The following ADGRG7 variants were observed in gnomAD, a reference collection of about 807,000 sequenced individuals.
The protein encoded by ADGRG7 is adhesion G protein-coupled receptor G7, also known as G-protein coupled receptor 128.
A neutral mutation model predicts 88.6 loss-of-function variants in ADGRG7; 82 were observed. The ratio of observed to expected loss-of-function variants is 0.93; its 90% confidence interval spans 0.77 to 1.11. The LOEUF is 1.11. Among genes scored for constraint, ADGRG7 ranks in the 50% most tolerant of loss-of-function variants. The pLI is 0.00. For synonymous variants in ADGRG7, 381 were observed against 345.2 expected (o/e 1.10, Z -1.15); for missense variants, 945 against 953.4 (o/e 0.99, Z 0.12).
At chr3:100,623,725 G>A (rs570425561) in intron 1 of ADGRG7, among the ~76,000 whole-genome samples, 29 of 151,818 alleles carry the variant, frequency 1.9e-4, no homozygotes, top group African/African-American at 5.3e-4. Flanking sequence ...AACAGGCCCC[G>A]GTGTGTGTTG....
intron 15 of ADGRG7, among the ~76,000 whole-genome samples, 194 bp downstream of exon 15, chr3:100,669,299 A>G (rs1180408749): frequency 2.0e-5 from 3 of 151,992 alleles, no homozygotes; most frequent in Non-Finnish European, 4.4e-5. Context: ...ATCCTGGATA[A>G]CATGGGGAAA....
intron 15 of ADGRG7, among the ~76,000 whole-genome samples, chr3:100,686,815 C>T (rs2094983532): frequency 1.3e-5 from 2 of 152,152 alleles, no homozygotes; most frequent in Admixed American, 1.3e-4. Context: ...AGCATGATGC[C>T]TCCAGCTTTG....
intron 15 of ADGRG7, among the ~76,000 whole-genome samples, chr3:100,691,136 C>T (rs189096993): frequency 3.9e-4 from 60 of 152,362 alleles, no homozygotes; most frequent in African/African-American, 1.3e-3. Flanking sequence ...AATGAGCAAG[C>T]CTCCATGGGC....
At chr3:100,629,791 A>G in intron 2 of ADGRG7, 80 bp downstream of exon 2, 1 of 898,636 alleles carries the variant, frequency 1.1e-6, no homozygotes, top group South Asian at 1.5e-5. Flanking sequence ...AGCTTCTAGA[A>G]GCTTCAGTTA....
intron 3 of ADGRG7, 67 bp downstream of exon 3, chr3:100,630,876 C>T: frequency 2.5e-6 from 2 of 812,686 alleles, no homozygotes; most frequent in Non-Finnish European, 3.7e-6. Flanking sequence ...CCTCTCATAC[C>T]TCCTACTAGT....
intron 8 of ADGRG7, among the ~76,000 whole-genome samples, chr3:100,644,933 G>A (rs745537595): frequency 2.6e-5 from 4 of 152,294 alleles, no homozygotes; most frequent in Non-Finnish European, 5.9e-5. Context: ...TGATGTCAAT[G>A]TACTGTGAAC....
Position 100,695,274 on chromosome 3 carries a change from A to G in ADGRG7, c.*273A>G, listed in dbSNP as rs9859753. The G allele has an allele frequency of 1.7e-3, 568 of 334,828 alleles. 2 individuals are homozygous for G. The highest frequency in any genetic ancestry group is 0.011 in the African/African-American group (522 of 46,922). The allele number at this position is 334,828 out of a possible 1,614,324, so 20.7% of individuals were successfully genotyped here. A position where few individuals can be genotyped will look rare whatever the true frequency, so the allele number is the denominator to read the frequency against. On this transcript the variant is annotated 3_prime_UTR_variant, in exon 16 of 16. Coordinates refer to ENST00000273352, the MANE Select transcript of ADGRG7 (RefSeq NM_032787.3). ...TTATATCGTTAAATCTTTGTGACAC[A>G]CTTTGACAAAAATGTAGAACCTATA...
intron 1 of ADGRG7, among the ~76,000 whole-genome samples, chr3:100,628,733 A>C (rs1278573270): frequency 6.6e-6 from 1 of 152,134 alleles, no homozygotes; most frequent in African/African-American, 2.4e-5. Context: ...CCCCAACTCA[A>C]AATAACTAGT....
At chr3:100,630,593 C>G (rs1707446689) in intron 2 of ADGRG7, 112 bp from the exon 3 acceptor site, 1 of 421,270 alleles carries the variant, frequency 2.4e-6, no homozygotes, top group Admixed American at 4.5e-5. Context: ...GTTCTATAAG[C>G]CTTCTATTGC....
At chr3:100,688,547 A>G (rs562604645) in intron 15 of ADGRG7, among the ~76,000 whole-genome samples, 2 of 152,190 alleles carry the variant, frequency 1.3e-5, no homozygotes, top group East Asian at 3.9e-4. Flanking sequence ...CACTGCTTTG[A>G]ATGTGTCCCA....
chr3:100,663,928 AC>A (rs1242753341), intron 14 of ADGRG7, among the ~76,000 whole-genome samples: 1 of 152,006 alleles, frequency 6.6e-6, no homozygotes, highest in East Asian at 1.9e-4. Context: ...ATATCTTCTG[AC>A]CATTAGGATA....
chr3:100,664,289 G>C (rs891232726), intron 14 of ADGRG7, among the ~76,000 whole-genome samples: 1 of 152,090 alleles, frequency 6.6e-6, no homozygotes, highest in Admixed American at 6.5e-5. Flanking sequence ...AGGACATTAA[G>C]CGGTGCTTTA....
At chr3:100,622,109 A>G (rs1707319410) in intron 1 of ADGRG7, among the ~76,000 whole-genome samples, 1 of 152,036 alleles carries the variant, frequency 6.6e-6, no homozygotes, top group South Asian at 2.1e-4. Context: ...CCCATGGCTC[A>G]CCTCCTGCTG....
chr3:100,692,734 G>A (rs1300303409), intron 15 of ADGRG7, among the ~76,000 whole-genome samples: 6 of 152,154 alleles, frequency 3.9e-5, no homozygotes, highest in Admixed American at 3.3e-4. Flanking sequence ...GGGGCAATAT[G>A]TGTGTTAAAA....
At chr3:100,690,194 G>A (rs1045133168) in intron 15 of ADGRG7, among the ~76,000 whole-genome samples, 9 of 152,140 alleles carry the variant, frequency 5.9e-5, no homozygotes, top group African/African-American at 1.7e-4. Flanking sequence ...CATTCATCAC[G>A]TAGTTCTCGT....
intron 5 of ADGRG7, among the ~76,000 whole-genome samples, chr3:100,636,163 A>G (rs1442935338): frequency 1.1e-4 from 16 of 152,170 alleles, no homozygotes; most frequent in Admixed American, 7.2e-4. Context: ...CAGGGGTTCA[A>G]GTGATTCTCA....
chr3:100,624,459 C>CA (rs1159493995), intron 1 of ADGRG7, among the ~76,000 whole-genome samples: 1 of 152,082 alleles, frequency 6.6e-6, no homozygotes, highest in Non-Finnish European at 1.5e-5. Context: ...GAAGAGATTG[C>CA]AAAAAATTTC....
intron 1 of ADGRG7, among the ~76,000 whole-genome samples, chr3:100,622,252 C>G (rs1440616115): frequency 8.1e-6 from 1 of 122,884 alleles, no homozygotes; most frequent in Admixed American, 1.0e-4. Context: ...ATGTAAGTCT[C>G]TCTCTATATT....
intron 1 of ADGRG7, among the ~76,000 whole-genome samples, chr3:100,621,569 G>T (rs1487622313): frequency 6.6e-6 from 1 of 152,192 alleles, no homozygotes; most frequent in Non-Finnish European, 1.5e-5. Context: ...GAGGCTGAGA[G>T]AGTTGAGAAA....
Sources: allele counts gnomAD v4.1 joint callset (sites outside exome capture counted in the v4.1 genomes callset), GRCh38; gene constraint gnomAD v4.1.1; transcripts MANE v1.5; gene names NCBI Gene and HGNC (gene_info 2026-07-23, HGNC 2026-07-21).